The following SLC25A21 variants were observed in gnomAD, a reference collection of about 807,000 sequenced individuals.
SLC25A21 encodes the protein solute carrier family 25 member 21.
In SLC25A21, 47 loss-of-function variants were observed where a neutral mutation model predicts 43.8. That is an observed-to-expected ratio of 1.07 (90% CI 0.85 to 1.37). The LOEUF (loss-of-function observed/expected upper bound fraction) is 1.37, where lower values mean the gene tolerates loss of function less well. Ranked by LOEUF, SLC25A21 falls within the 40% of genes most tolerant of loss-of-function variation. SLC25A21 has a pLI of 0.00. For missense variants in SLC25A21, 352 were observed against 350.2 expected, an observed-to-expected ratio of 1.00 and a Z score of -0.04; for synonymous variants, 131 against 121.3, an observed-to-expected ratio of 1.08 and a Z score of -0.52.
At chr14:36,832,638 AAC>A (rs1458371247) in intron 2 of SLC25A21, among the ~76,000 whole-genome samples, 35 of 152,348 alleles carry the variant, frequency 2.3e-4, no homozygotes, top group Non-Finnish European at 4.1e-4. Flanking sequence ...AAAAACAAAC[AAC>A]ATTATAAACA....
Position 36,753,919 on chromosome 14 carries a change from CAGAGAGAGAGAGAGAG to C in SLC25A21, c.204-19362_204-19347del, listed in dbSNP as rs56871881. On this transcript the variant is annotated intron_variant, in intron 3 of 9. Transcript: ENST00000331299. The stretch of plus-strand genomic sequence containing the variant: ...CTTGAGATGGCTCTCTCACTGGGGA[CAGAGAGAGAGAGAGAG>C]AGAGAGAGAGAGAGAGAGAGAGAGA... 2.8e-3 allele frequency among the ~76,000 whole-genome samples: 359 copies of C among 130,098 alleles called. 4 individuals carry two copies. The highest frequency in any genetic ancestry group is 9.0e-3 in the African/African-American group (331 of 36,688). 85.3% of individuals were successfully genotyped at this position (130,098 alleles called of 152,430 possible).
intron 1 of SLC25A21, among the ~76,000 whole-genome samples, chr14:37,011,703 A>G (rs1960736984): frequency 6.6e-6 from 1 of 152,172 alleles, no homozygotes; most frequent in African/African-American, 2.4e-5. Context: ...TGTTGCAAGC[A>G]TTTGATATAT....
At chr14:36,993,081 T>C (rs763469885) in intron 1 of SLC25A21, among the ~76,000 whole-genome samples, 65 of 152,382 alleles carry the variant, frequency 4.3e-4, no homozygotes, top group Middle Eastern at 6.8e-3. Flanking sequence ...ATATTTATTA[T>C]TGCTTTTACG....
intron 1 of SLC25A21, among the ~76,000 whole-genome samples, chr14:36,884,838 A>G (rs984661164): frequency 6.6e-6 from 1 of 151,722 alleles, no homozygotes; most frequent in African/African-American, 2.4e-5. Flanking sequence ...TTTTCTTCCT[A>G]TTATTTGAGT....
intron 1 of SLC25A21, among the ~76,000 whole-genome samples, chr14:37,056,850 T>C (rs1961841538): frequency 6.6e-6 from 1 of 152,352 alleles, no homozygotes; most frequent in East Asian, 1.9e-4. Flanking sequence ...CAAAAATCTT[T>C]ATCTGGACAT....
At chr14:37,047,645 G>A (rs1012512356) in intron 1 of SLC25A21, among the ~76,000 whole-genome samples, 1 of 152,208 alleles carries the variant, frequency 6.6e-6, no homozygotes, top group Non-Finnish European at 1.5e-5. Flanking sequence ...AGTCCCAGCA[G>A]AGTTTTGAAA....
chr14:36,998,938 C>T (rs897092346), intron 1 of SLC25A21, among the ~76,000 whole-genome samples: 1 of 152,126 alleles, frequency 6.6e-6, no homozygotes, highest in Non-Finnish European at 1.5e-5. Context: ...CAGGAATTCT[C>T]ACTCACTCAT....
Position 36,729,566 on chromosome 14 carries a change from A to G in SLC25A21, c.271T>C (p.Phe91Leu). 1 of 1,606,734 alleles carries G rather than the reference A, an allele frequency of 6.2e-7. No individual in the cohort carries two copies. Among genetic ancestry groups the G allele is most frequent in the Non-Finnish European group, 8.5e-7 (1 of 1,177,644 alleles). Reference sequence around the variant, plus strand: ...TTCTTGTACTGCTCAAAGGTGAAAAACTGTGAAACAAAACCAAACTCACAG... The same window carrying G: ...TTCTTGTACTGCTCAAAGGTGAAAAGCTGTGAAACAAAACCAAACTCACAG... ...LAETPKRAVK[F>L]FTFEQYKKLL... Residue 91 changes from phenylalanine (F) to leucine (L), a missense_variant and splice_region_variant, in exon 5 of 10, where the codon TTT becomes CTT. Physicochemically the swap from Phe to Leu is conservative, Grantham distance 22. Coordinates refer to ENST00000331299, the MANE Select transcript of SLC25A21 (RefSeq NM_030631.4).
chr14:36,866,564 T>G (rs896145911), intron 2 of SLC25A21, among the ~76,000 whole-genome samples: 5 of 152,148 alleles, frequency 3.3e-5, no homozygotes, highest in African/African-American at 1.2e-4. Flanking sequence ...GAAATGCCCA[T>G]GTAGCAAAAT....
chr14:37,044,280 CTTTT>C (rs1188702678), intron 1 of SLC25A21, among the ~76,000 whole-genome samples: 1 of 151,828 alleles, frequency 6.6e-6, no homozygotes, highest in East Asian at 1.9e-4. Context: ...TTTGGCTTTC[CTTTT>C]TTAATAGCCT....
Position 36,683,859 on chromosome 14 carries a change from G to T in SLC25A21, c.807C>A (p.Gly269=). ...CAAGTCTCATAATCTTGGGAAGCAG[G>T]CCTTTGTACAAAGCTAAAATCCTGT... ...QEEGILALYK[G]LLPKIMRLGP... is the part of the protein sequence containing the mutation. The change falls in exon 9 of 10, where the codon GGC becomes GGA. Residue 269 remains glycine (G), a synonymous_variant. Transcript: ENST00000331299. The T allele has an allele frequency of 1.2e-6, 2 of 1,606,598 alleles. No homozygotes were observed. Among genetic ancestry groups the T allele is most frequent in the Non-Finnish European group, 1.7e-6 (2 of 1,176,094 alleles).
Position 36,679,502 on chromosome 14 carries a change from C to A in SLC25A21, c.*1156G>T. The A allele has an allele frequency of 1.0e-6, 1 of 985,386 alleles. No individual in the cohort carries two copies. Among genetic ancestry groups the A allele is most frequent in the South Asian group, 4.7e-5 (1 of 21,290 alleles). 61.0% of individuals were successfully genotyped at this position (985,386 alleles called of 1,614,324 possible). A position where few individuals can be genotyped will look rare whatever the true frequency, so the allele number is the denominator to read the frequency against. ...GTTGACTTTACTGAATCAGCATCAT[C>A]TCTGGATGCAGATATAAAATCAAGT... is the stretch of plus-strand genomic sequence containing the variant. On this transcript the variant is annotated 3_prime_UTR_variant, in exon 10 of 10. Coordinates refer to ENST00000331299, the MANE Select transcript of SLC25A21 (RefSeq NM_030631.4).
chr14:36,753,386 A>C (rs971545046), intron 3 of SLC25A21, among the ~76,000 whole-genome samples: 1 of 152,142 alleles, frequency 6.6e-6, no homozygotes, highest in Non-Finnish European at 1.5e-5. Flanking sequence ...CTGAGCTAGG[A>C]AGCCTTGTGT....
intron 1 of SLC25A21, among the ~76,000 whole-genome samples, chr14:37,126,630 G>T (rs1296643388): frequency 6.6e-6 from 1 of 151,958 alleles, no homozygotes; most frequent in Non-Finnish European, 1.5e-5. Flanking sequence ...AAAATAGGAG[G>T]CTACTGGCAC....
At chr14:36,740,845 A>G (rs1404588436) in intron 3 of SLC25A21, among the ~76,000 whole-genome samples, 1 of 152,124 alleles carries the variant, frequency 6.6e-6, no homozygotes, top group East Asian at 1.9e-4. Context: ...GTTTTAGGTT[A>G]CCCTGTTTTT....
intron 1 of SLC25A21, among the ~76,000 whole-genome samples, chr14:37,057,936 T>C (rs908954427): frequency 7.9e-5 from 12 of 152,276 alleles, no homozygotes; most frequent in African/African-American, 2.9e-4. Context: ...GTACCCAGAA[T>C]GGTTTGCATT....
chr14:37,104,107 T>TG (rs1566884232), intron 1 of SLC25A21, among the ~76,000 whole-genome samples: 1 of 152,206 alleles, frequency 6.6e-6, no homozygotes, highest in African/African-American at 2.4e-5. Context: ...TGGACACCAA[T>TG]GGGAGTTCTG....
At chr14:37,085,205 T>G (rs1023124830) in intron 1 of SLC25A21, among the ~76,000 whole-genome samples, 16 of 152,172 alleles carry the variant, frequency 1.1e-4, no homozygotes, top group Non-Finnish European at 2.2e-4. Flanking sequence ...ACGCCTCCCC[T>G]AACCACTCTA....
chr14:37,081,902 G>A (rs1031624197), intron 1 of SLC25A21, among the ~76,000 whole-genome samples: 11 of 152,032 alleles, frequency 7.2e-5, no homozygotes, highest in African/African-American at 2.7e-4. Flanking sequence ...AACAAGCTAG[G>A]AAACTATAAT....
Sources: gnomAD v4.1 joint callset for allele counts (sites outside exome capture counted in the v4.1 genomes callset) on GRCh38, gnomAD v4.1.1 for gene constraint, MANE v1.5 for transcripts, NCBI Gene and HGNC (gene_info 2026-07-23, HGNC 2026-07-21) for gene names.